Variants in C3orf20 observed in about 807,000 individuals in gnomAD.
C3orf20 encodes family with sequence similarity 149 member C.
C3orf20 carries 76 observed loss-of-function variants against 88.3 expected under a neutral mutation model. That is an observed-to-expected ratio of 0.86 (90% confidence interval 0.72 to 1.04). C3orf20 has a LOEUF of 1.04. Among genes scored for constraint, C3orf20 ranks in the 50% least tolerant of loss-of-function variants. The pLI, the probability that C3orf20 is intolerant of heterozygous loss-of-function variation, is 0.00. For missense variants in C3orf20, 1,056 were observed against 1,123.3 expected (o/e 0.94, Z 0.86); for synonymous variants, 436 against 437.4 (o/e 1.00, Z 0.04).
Position 14,772,875 on chromosome 3 carries a change from G to T in C3orf20, c.2715G>T (p.Ter905TyrextTer?). ...GGAAGAAGCAGGCCTCCAAGAAGTA[G>T]CGCCATCCTGGCAGCAGCCAAGTGA... ...TSWKKQASKK[*>Y] The change falls in exon 17 of 17, where the codon TAG becomes TAT. Residue 905 changes from the stop codon to tyrosine, a stop_lost. Transcript: ENST00000253697. The surrounding 1 kb of genome is among the most constrained non-coding windows in gnomAD (Gnocchi z 4.2). The T allele has an allele frequency of 6.2e-7, 1 of 1,613,398 alleles. No homozygotes were observed. The highest frequency in any genetic ancestry group is 8.5e-7 in the Non-Finnish European group (1 of 1,179,576).
chr3:14,723,228 C>T (rs566827008), intron 10 of C3orf20, among the ~76,000 whole-genome samples: 52 of 152,330 alleles, frequency 3.4e-4, no homozygotes, highest in African/African-American at 9.9e-4. Context: ...AGCTTACAGA[C>T]GCCCAAAGCT....
At chr3:14,675,580 C>CA (rs1309950211) in intron 1 of C3orf20, among the ~76,000 whole-genome samples, 1 of 152,164 alleles carries the variant, frequency 6.6e-6, no homozygotes, top group Non-Finnish European at 1.5e-5. Context: ...TCTATATAGT[C>CA]ACTCATAGTA....
At chr3:14,675,693 ATTTATT>A (rs1456581193) in intron 1 of C3orf20, among the ~76,000 whole-genome samples, 2 of 7,146 alleles carry the variant, frequency 2.8e-4, no homozygotes, top group Non-Finnish European at 3.4e-3. Flanking sequence ...TGTTTTTGTT[ATTTATT>A]TATTTATTTA....
chr3:14,743,023 C>G lies in C3orf20; in HGVS notation c.1940+14335C>G, dbSNP rs574582425. Among the ~76,000 whole-genome samples the G allele has an allele frequency of 2.0e-5, 3 of 152,012 alleles. No homozygotes were observed. The East Asian group carries it at 5.8e-4, about 29-fold the overall frequency. Reference sequence around the variant, plus strand: ...ACCATATAATTCCACCCGTGGCCCCCCTAAATCTCATGTCCTCACATTTCA... The same window carrying G: ...ACCATATAATTCCACCCGTGGCCCCGCTAAATCTCATGTCCTCACATTTCA... On this transcript the variant is annotated intron_variant, in intron 12 of 16. Coordinates refer to ENST00000253697, the MANE Select transcript of C3orf20 (RefSeq NM_032137.5).
intron 1 of C3orf20, among the ~76,000 whole-genome samples, chr3:14,680,415 A>G (rs1380679411): frequency 6.6e-6 from 1 of 152,328 alleles, no homozygotes; most frequent in Admixed American, 6.5e-5. Context: ...AAAAACCCAC[A>G]TAGTTGATGA....
intron 11 of C3orf20, 152 bp downstream of exon 11, chr3:14,727,176 C>A: frequency 1.1e-6 from 1 of 938,978 alleles, no homozygotes; most frequent in Non-Finnish European, 1.6e-6. Context: ...AGAGATATTT[C>A]CCCATTTTAG....
intron 7 of C3orf20, among the ~76,000 whole-genome samples, chr3:14,711,667 G>A (rs544292297): frequency 2.2e-4 from 24 of 111,128 alleles, no homozygotes; most frequent in South Asian, 5.9e-4. Flanking sequence ...ACTGAGTCTC[G>A]CTCTATTGCC....
chr3:14,770,515 T>C (rs1387898166), intron 15 of C3orf20, among the ~76,000 whole-genome samples: 1 of 152,126 alleles, frequency 6.6e-6, no homozygotes, highest in Admixed American at 6.5e-5. Flanking sequence ...TTTCTTGCTC[T>C]AGGCCTTGTA....
intron 15 of C3orf20, among the ~76,000 whole-genome samples, chr3:14,764,759 G>A (rs889359059): frequency 6.6e-6 from 1 of 152,126 alleles, no homozygotes; most frequent in South Asian, 2.1e-4. Flanking sequence ...ATGGTGGCTG[G>A]GTTCCAAGAG....
intron 1 of C3orf20, among the ~76,000 whole-genome samples, chr3:14,681,687 GA>G (rs2032101150): frequency 6.6e-6 from 1 of 152,178 alleles, no homozygotes; most frequent in Admixed American, 6.5e-5. Context: ...CATAAGATGT[GA>G]CTAGTTTTAA....
At chr3:14,727,717 G>A (rs960221000) in intron 11 of C3orf20, among the ~76,000 whole-genome samples, 1 of 152,026 alleles carries the variant, frequency 6.6e-6, no homozygotes, top group East Asian at 1.9e-4. Context: ...ACTTCCAATC[G>A]GTCACACCTC....
Position 14,682,581 on chromosome 3 carries a change from C to T in C3orf20, c.-133C>T, listed in dbSNP as rs550567200. 10 of 1,193,832 alleles carry T rather than the reference C, an allele frequency of 8.4e-6. No individual in the cohort carries two copies. In the South Asian group the frequency reaches 1.2e-4, roughly 14 times the overall value. 74.0% of individuals were successfully genotyped at this position (1,193,832 alleles called of 1,614,324 possible). A position where few individuals can be genotyped will look rare whatever the true frequency, so the allele number is the denominator to read the frequency against. On this transcript the variant is annotated 5_prime_UTR_variant, in exon 3 of 17. Transcript: ENST00000253697. ...TTTTCTTGTCCTTTCCGGATAGGAACCACTGGCTCAATGACCTGTAAGGGC... is the reference window on the plus strand; with the variant it reads ...TTTTCTTGTCCTTTCCGGATAGGAATCACTGGCTCAATGACCTGTAAGGGC...
chr3:14,726,639 G>A (rs1003390235), intron 10 of C3orf20, among the ~76,000 whole-genome samples: 2 of 152,172 alleles, frequency 1.3e-5, no homozygotes, highest in African/African-American at 2.4e-5. Context: ...AAGCTGCATT[G>A]AGCATGATGA....
chr3:14,689,994 C>G lies in C3orf20; in HGVS notation c.626-3C>G, dbSNP rs752220067. The G allele has an allele frequency of 6.2e-7, 1 of 1,614,044 alleles. No individual in the cohort carries two copies. The highest frequency in any genetic ancestry group is 1.3e-5 in the African/African-American group (1 of 74,918). On this transcript the variant is annotated splice_polypyrimidine_tract_variant and splice_region_variant and intron_variant, in intron 4 of 16. Coordinates refer to ENST00000253697, the MANE Select transcript of C3orf20 (RefSeq NM_032137.5). Reference sequence around the variant, plus strand: ...AGAAGAATCTCTCTCTCTCCCACTCCAGAGTCCCTCGCAAACATGTCCGCC... The same window carrying G: ...AGAAGAATCTCTCTCTCTCCCACTCGAGAGTCCCTCGCAAACATGTCCGCC...
rs1408786971 is a variant in C3orf20 at position 14,714,059 on chromosome 3, A to C, written c.1213A>C (p.Arg405=). 6.2e-7 allele frequency: 1 copy of C among 1,614,020 alleles called. No homozygotes were observed. The highest frequency in any genetic ancestry group is 1.3e-5 in the African/African-American group (1 of 74,924). Residue 405 remains arginine, a synonymous_variant, in exon 8 of 17, where the codon AGA becomes CGA. Coordinates refer to ENST00000253697, the MANE Select transcript of C3orf20 (RefSeq NM_032137.5). ...VCQIPTCCRG[R]TITCLFNDIP... Reference sequence around the variant, plus strand: ...TCAGATCCCCACATGCTGCAGAGGGAGAACCATCACCTGCCTCTTTAATGA... The same window carrying C: ...TCAGATCCCCACATGCTGCAGAGGGCGAACCATCACCTGCCTCTTTAATGA...
Position 14,768,244 on chromosome 3 carries a change from C to T in C3orf20, c.2496-3823C>T, listed in dbSNP as rs1276223845. ...CAGCAGTGCAGGGGGCCCACACCCT[C>T]GTCCGCTGCATACACCAAGACCCCT... On this transcript the variant is annotated intron_variant, in intron 15 of 16. Transcript: ENST00000253697. This position sits in a 1 kb window ranked among gnomAD's most constrained non-coding sequence, Gnocchi z 4.1. Among the ~76,000 whole-genome samples, 6 of 152,018 alleles carry T rather than the reference C, an allele frequency of 3.9e-5. No individual in the cohort carries two copies. Among genetic ancestry groups the T allele is most frequent in the African/African-American group, 7.3e-5 (3 of 41,316 alleles).
intron 5 of C3orf20, among the ~76,000 whole-genome samples, chr3:14,696,119 GTT>G (rs35824281): frequency 1.4e-4 from 20 of 143,972 alleles, no homozygotes; most frequent in Admixed American, 6.9e-4. Flanking sequence ...TAAATTTCTT[GTT>G]TTTTTTTTTT....
intron 12 of C3orf20, among the ~76,000 whole-genome samples, chr3:14,747,679 G>T (rs937651610): frequency 4.5e-4 from 69 of 152,070 alleles, no homozygotes; most frequent in African/African-American, 1.6e-3. Context: ...TCAGAGTAAG[G>T]CAATATTGTT....
chr3:14,760,606 CTTTTT>C (rs33982218), intron 14 of C3orf20, among the ~76,000 whole-genome samples: 4 of 97,802 alleles, frequency 4.1e-5, no homozygotes, highest in African/African-American at 8.3e-5. Flanking sequence ...AGTCTGTCTT[CTTTTT>C]TTTTTTTTTT....
Sources: gnomAD v4.1 joint callset for allele counts (sites outside exome capture counted in the v4.1 genomes callset) on GRCh38, gnomAD v4.1.1 for gene constraint, Gnocchi (gnomAD v3.1) non-coding constraint, MANE v1.5 for transcripts, NCBI Gene and HGNC (gene_info 2026-07-23, HGNC 2026-07-21) for gene names.